Variants in ZFP1 observed in about 807,000 individuals in gnomAD.
ZFP1 encodes ZFP1 zinc finger protein.
Under a neutral mutation model 38.5 loss-of-function variants are expected in ZFP1, and 32 were observed. The ratio of observed to expected loss-of-function variants is 0.83; its 90% CI spans 0.63 to 1.12. The LOEUF (loss-of-function observed/expected upper bound fraction) is 1.12. ZFP1 is among the 50% of genes most tolerant of loss of function. The pLI is 0.00. For missense variants in ZFP1, 616 were observed against 480.8 expected (o/e 1.28, Z -2.63); for synonymous variants, 245 against 168.8 (o/e 1.45, Z -3.50).
At chr16:75,137,153 G>A in the ZFP1 span, among the ~76,000 whole-genome samples, 1 of 152,260 alleles carries the variant, frequency 6.6e-6, no homozygotes, top group Admixed American at 6.5e-5. Flanking sequence ...CAGAAAGTAA[G>A]AGAGTGTTCA....
rs777598128 is a variant in ZFP1 at position 75,170,352 on chromosome 16, A to T, written c.*18A>T. The T allele has an allele frequency of 6.5e-6, 10 of 1,544,798 alleles. No homozygotes were observed. Among genetic ancestry groups the T allele is most frequent in the African/African-American group, 1.4e-5 (1 of 72,650 alleles). On this transcript the variant is annotated 3_prime_UTR_variant, in exon 4 of 4. Transcript: ENST00000570010. ...AACCCTGAAACTCCAGCCAGGTCTT[A>T]CTGTGGAAAACTCCTGCCAGAACTC...
At chr16:75,132,756 A>C in the ZFP1 span, 1 of 143,072 alleles carries the variant, frequency 7.0e-6, no homozygotes, top group Non-Finnish European at 1.5e-5. Context: ...TCCTGAGTTC[A>C]AGTGGTTCTC....
chr16:75,137,625 G>A, the ZFP1 span, among the ~76,000 whole-genome samples: 105,852 of 151,198 alleles, frequency 0.7, 38,856 homozygotes, highest in Non-Finnish European at 0.81. Context: ...CACCACGCCC[G>A]GCTAATTTTT....
At chr16:75,165,662 C>T (rs1194726992) in intron 2 of ZFP1, among the ~76,000 whole-genome samples, 1 of 152,118 alleles carries the variant, frequency 6.6e-6, no homozygotes, top group Non-Finnish European at 1.5e-5. Context: ...GCTGGGATTA[C>T]AGGCCTGAGC....
upstream of ZFP1, among the ~76,000 whole-genome samples, chr16:75,146,613 T>C (rs2036948294): frequency 6.6e-6 from 1 of 152,164 alleles, no homozygotes; most frequent in African/African-American, 2.4e-5. Context: ...AAAACACTGG[T>C]ACATGCAGAC....
Position 75,169,361 on chromosome 16 carries a change from A to T in ZFP1, c.251A>T (p.Asp84Val). Reference protein sequence around the residue: ...KNQTPIEERGDLFGKALNLNT... With the variant: ...KNQTPIEERGVLFGKALNLNT... ...CAAACCCCAATTGAGGAAAGAGGCG[A>T]TCTCTTTGGAAAAGCACTTAATCTG... Residue 84 changes from aspartate (D) to valine (V), a missense_variant, in exon 4 of 4, where the codon GAT (aspartate) becomes GTT (valine). Coordinates refer to ENST00000570010, the MANE Select transcript of ZFP1 (RefSeq NM_153688.4). 2 of 1,614,172 alleles carry T rather than the reference A, an allele frequency of 1.2e-6. No individual in the cohort carries two copies. The highest frequency in any genetic ancestry group is 1.7e-6 in the Non-Finnish European group (2 of 1,180,018).
In ZFP1 at chr16:75,170,697, T is replaced by C. The variant is rs764805851; in HGVS notation, c.*363T>C. The C allele has an allele frequency of 1.1e-5, 2 of 177,692 alleles. No individual in the cohort carries two copies. The highest frequency in any genetic ancestry group is 2.4e-5 in the Non-Finnish European group (2 of 84,486). 11.0% of individuals were successfully genotyped at this position (177,692 alleles called of 1,614,324 possible). A position where few individuals can be genotyped will look rare whatever the true frequency, so the allele number is the denominator to read the frequency against. On this transcript the variant is annotated 3_prime_UTR_variant, in exon 4 of 4. Coordinates refer to ENST00000570010, the MANE Select transcript of ZFP1 (RefSeq NM_153688.4). ...ATGCCACAAAACACAAGTGGTATGC[T>C]TTAGATCTGCACATGTGAATTTAGC...
chr16:75,161,383 C>G (rs1348343005), intron 2 of ZFP1, among the ~76,000 whole-genome samples: 1 of 151,662 alleles, frequency 6.6e-6, no homozygotes, highest in African/African-American at 2.4e-5. Context: ...ACACTCACTT[C>G]TGCTTGGGCT....
the ZFP1 span, among the ~76,000 whole-genome samples, chr16:75,123,487 AT>A: frequency 8.2e-6 from 1 of 122,656 alleles, no homozygotes; most frequent in Non-Finnish European, 1.7e-5. Context: ...ATATATATAT[AT>A]ATATATATAT....
In ZFP1 at chr16:75,169,543, A is replaced by G. The variant is rs369533619; in HGVS notation, c.433A>G (p.Lys145Glu). 80 of 1,612,448 alleles carry G rather than the reference A, an allele frequency of 5.0e-5. No homozygotes were observed. The highest frequency in any genetic ancestry group is 6.6e-5 in the Non-Finnish European group (78 of 1,179,718). Residue 145 changes from lysine to glutamate, a missense_variant, in exon 4 of 4, where the codon AAG becomes GAG. Transcript: ENST00000570010. Reference protein sequence around the residue: ...NEFGKALLYLKQEKTHSGVEY... With the variant: ...NEFGKALLYLEQEKTHSGVEY... ...ATTTGGAAAAGCACTTCTCTACCTG[A>G]AGCAAGAGAAAACCCACAGTGGAGT...
Position 75,166,772 on chromosome 16 carries a change from A to G in ZFP1, c.18A>G (p.Gly6=). 6.2e-7 allele frequency: 1 copy of G among 1,614,206 alleles called. No homozygotes were observed. The highest frequency in any genetic ancestry group is 8.5e-7 in the Non-Finnish European group (1 of 1,180,024). Residue 6 remains glycine, a splice_region_variant and synonymous_variant, in exon 3 of 4, where the codon GGA becomes GGG. Coordinates refer to ENST00000570010, the MANE Select transcript of ZFP1 (RefSeq NM_153688.4). ...TGAATAACAATATGCCATTTCAGGG[A>G]TCAGTTTCATTCACGGATGTGACTG... is the stretch of plus-strand genomic sequence containing the variant. The part of the protein sequence containing the change: MNKSQ[G]SVSFTDVTVD...
At chr16:75,166,584 G>A in intron 2 of ZFP1, 186 bp from the exon 3 acceptor site, 2 of 985,270 alleles carry the variant, frequency 2.0e-6, no homozygotes, top group Non-Finnish European at 2.4e-6. Context: ...CAGAGATATA[G>A]GGGAATCTGA....
chr16:75,133,273 G>GC, the ZFP1 span, among the ~76,000 whole-genome samples: 2 of 152,164 alleles, frequency 1.3e-5, no homozygotes, highest in Non-Finnish European at 2.9e-5. Flanking sequence ...ACCGTGCCTG[G>GC]CCTTTAACTT....
intron 2 of ZFP1, among the ~76,000 whole-genome samples, chr16:75,159,368 C>T (rs1446741498): frequency 7.1e-5 from 1 of 14,040 alleles, no homozygotes; most frequent in South Asian, 3.2e-3. Flanking sequence ...CCTTTCCCTC[C>T]CTCCCTCCCT....
Position 75,163,913 on chromosome 16 carries a change from TTA to T in ZFP1, c.16-2855_16-2854del, listed in dbSNP as rs745430338. Among the ~76,000 whole-genome samples, 7 of 152,286 alleles carry T rather than the reference TTA, an allele frequency of 4.6e-5. No homozygotes were observed. The East Asian group carries it at 1.2e-3, about 25-fold the overall frequency. On this transcript the variant is annotated intron_variant, in intron 2 of 3. Coordinates refer to ENST00000570010, the MANE Select transcript of ZFP1 (RefSeq NM_153688.4). ...ACATGAGCCACAGCACCGGCACTGT[TTA>T]TGTCACCTCACTCAATCCTAAAATT...
intron 2 of ZFP1, among the ~76,000 whole-genome samples, chr16:75,158,084 G>A (rs2037560824): frequency 6.6e-6 from 1 of 151,310 alleles, no homozygotes; most frequent in South Asian, 2.1e-4. Context: ...CACCATGCCT[G>A]GCCCATACCT....
the ZFP1 span, among the ~76,000 whole-genome samples, chr16:75,129,928 A>G: frequency 6.6e-6 from 1 of 152,210 alleles, no homozygotes; most frequent in Admixed American, 6.5e-5. Context: ...AGGAAAGTAC[A>G]CTTGGAAGAG....
At chr16:75,158,905 C>CTT (rs71158583) in intron 2 of ZFP1, among the ~76,000 whole-genome samples, 13 of 125,128 alleles carry the variant, frequency 1.0e-4, no homozygotes, top group African/African-American at 3.2e-4. Flanking sequence ...TTTGTCTTGT[C>CTT]TTTTTTTTTT....
At chr16:75,148,385 A>C (rs978760446), upstream of ZFP1, 3 of 152,230 alleles carry the variant, frequency 2.0e-5, no homozygotes, top group African/African-American at 7.2e-5. Flanking sequence ...GACTTTCCTG[A>C]GAGTCCCTAA....
Sources: allele counts gnomAD v4.1 joint callset (sites outside exome capture counted in the v4.1 genomes callset), GRCh38; gene constraint gnomAD v4.1.1; transcripts MANE v1.5; gene names NCBI Gene and HGNC (gene_info 2026-07-23, HGNC 2026-07-21).